Variants in MMP16 observed in about 807,000 individuals in gnomAD.
MMP16 encodes matrix metalloproteinase-16.
In MMP16, 12 loss-of-function variants were observed where a neutral mutation model predicts 67.8. That is an observed-to-expected ratio of 0.18 (90% CI 0.11 to 0.29). The LOEUF is 0.29. Ranked by LOEUF, MMP16 falls within the 10% of genes least tolerant of loss-of-function variation. The pLI, the probability that MMP16 is intolerant of heterozygous loss-of-function variation, is 1.00. For synonymous variants in MMP16, 249 were observed against 255.9 expected, an observed-to-expected ratio of 0.97 and a Z score of 0.26; for missense variants, 475 against 765.7, an observed-to-expected ratio of 0.62 and a Z score of 4.48.
chr8:88,175,085 G>A (rs1808865792), intron 3 of MMP16, among the ~76,000 whole-genome samples: 1 of 152,022 alleles, frequency 6.6e-6, no homozygotes, highest in South Asian at 2.1e-4. Flanking sequence ...GACATTAATT[G>A]TCCAGGAAGC....
chr8:88,108,674 A>G (rs372171109), intron 6 of MMP16, among the ~76,000 whole-genome samples: 47 of 151,450 alleles, frequency 3.1e-4, no homozygotes, highest in Admixed American at 8.6e-4. Flanking sequence ...CACTATTCAT[A>G]AAACTGTCAA....
intron 8 of MMP16, among the ~76,000 whole-genome samples, chr8:88,053,547 A>G (rs1404054871): frequency 1.3e-5 from 2 of 152,206 alleles, no homozygotes; most frequent in Admixed American, 6.5e-5. Context: ...AACTGCTGAC[A>G]TAACTTTTTT....
At chr8:88,149,290 G>A (rs1387901987) in intron 4 of MMP16, among the ~76,000 whole-genome samples, 6 of 152,146 alleles carry the variant, frequency 3.9e-5, no homozygotes, top group African/African-American at 7.2e-5. Context: ...GGTGAGGGGC[G>A]CCCGCCATTG....
Position 88,177,826 on chromosome 8 carries a change from G to A in MMP16, c.404+8650C>T, listed in dbSNP as rs74521499. On this transcript the variant is annotated intron_variant, in intron 3 of 9. Transcript: ENST00000286614. ...CTCAGATACTCAGACCCACTCAAAAGGACTTAATCACAGGATTGCAGATGC... is the reference window on the plus strand; with the variant it reads ...CTCAGATACTCAGACCCACTCAAAAAGACTTAATCACAGGATTGCAGATGC... Among the ~76,000 whole-genome samples, 1,034 of 152,048 alleles carry A rather than the reference G, an allele frequency of 6.8e-3. 15 individuals are homozygous for A. Among genetic ancestry groups the A allele is most frequent in the African/African-American group, 0.023 (969 of 41,478 alleles).
At chr8:88,075,139 C>A (rs2054414) in intron 6 of MMP16, among the ~76,000 whole-genome samples, 23,739 of 152,034 alleles carry the variant, frequency 0.16, 2,028 homozygotes, top group Middle Eastern at 0.23. Context: ...TCCACACCTA[C>A]CATGTTGAGG....
At chr8:88,267,713 G>T (rs1055683387) in intron 1 of MMP16, among the ~76,000 whole-genome samples, 3 of 152,332 alleles carry the variant, frequency 2.0e-5, no homozygotes, top group Admixed American at 1.3e-4. Flanking sequence ...TGAAAGGAAA[G>T]ATCATGAGAA....
intron 1 of MMP16, among the ~76,000 whole-genome samples, chr8:88,264,908 C>T (rs2129958536): frequency 6.6e-6 from 1 of 152,346 alleles, no homozygotes; most frequent in South Asian, 2.1e-4. Flanking sequence ...GCTAACGTTT[C>T]AGACACTAGG....
At chr8:88,299,011 T>C (rs1231373062) in intron 1 of MMP16, among the ~76,000 whole-genome samples, 1 of 152,112 alleles carries the variant, frequency 6.6e-6, no homozygotes, top group Non-Finnish European at 1.5e-5. Context: ...TTTTTTTTTC[T>C]TTTTGGAATT....
chr8:88,081,375 AAATTTC>A (rs1808748666), intron 6 of MMP16, among the ~76,000 whole-genome samples: 1 of 152,146 alleles, frequency 6.6e-6, no homozygotes, highest in Admixed American at 6.5e-5. Flanking sequence ...ATTTCTCAGA[AAATTTC>A]TTACTTAAAG....
At chr8:88,159,886 T>G (rs1451062277) in intron 4 of MMP16, among the ~76,000 whole-genome samples, 1 of 152,188 alleles carries the variant, frequency 6.6e-6, no homozygotes, top group African/African-American at 2.4e-5. Context: ...TCTATTGAGA[T>G]AATCATGCGG....
intron 1 of MMP16, among the ~76,000 whole-genome samples, chr8:88,282,899 T>C (rs1226455387): frequency 6.6e-6 from 1 of 152,192 alleles, no homozygotes; most frequent in African/African-American, 2.4e-5. Context: ...ATTCTTTTCA[T>C]ATATTGTTTA....
intron 1 of MMP16, among the ~76,000 whole-genome samples, chr8:88,275,882 T>C (rs1222308277): frequency 1.3e-5 from 2 of 152,024 alleles, no homozygotes; most frequent in Non-Finnish European, 2.9e-5. Context: ...AATCCAATTT[T>C]TTTAGCCTTG....
At chr8:88,125,415 T>C (rs1310246666) in intron 4 of MMP16, among the ~76,000 whole-genome samples, 1 of 151,892 alleles carries the variant, frequency 6.6e-6, no homozygotes, top group Non-Finnish European at 1.5e-5. Context: ...GAAAACAAAT[T>C]GCCATTTAAC....
intron 6 of MMP16, among the ~76,000 whole-genome samples, chr8:88,114,635 T>C (rs1809398574): frequency 1.3e-5 from 2 of 151,910 alleles, no homozygotes; most frequent in Admixed American, 1.3e-4. Flanking sequence ...GGCAAATGGA[T>C]ATTACAAAGA....
At chr8:88,315,028 C>T (rs1170524882) in intron 1 of MMP16, among the ~76,000 whole-genome samples, 1 of 152,192 alleles carries the variant, frequency 6.6e-6, no homozygotes, top group Non-Finnish European at 1.5e-5. Flanking sequence ...GCATTTGTTT[C>T]CCATCTCTCA....
At chr8:88,123,049 G>T (rs1807866793) in intron 4 of MMP16, among the ~76,000 whole-genome samples, 1 of 151,790 alleles carries the variant, frequency 6.6e-6, no homozygotes, top group Non-Finnish European at 1.5e-5. Context: ...AGCTGCTCCT[G>T]GATTTCTAAC....
At chr8:88,151,771 A>G (rs1199699432) in intron 4 of MMP16, among the ~76,000 whole-genome samples, 40 of 151,320 alleles carry the variant, frequency 2.6e-4, no homozygotes, top group African/African-American at 9.3e-4. Context: ...GGAAAGATCC[A>G]AAATTGACAC....
intron 1 of MMP16, among the ~76,000 whole-genome samples, chr8:88,255,823 C>G (rs1436011859): frequency 1.3e-5 from 2 of 152,150 alleles, no homozygotes; most frequent in Non-Finnish European, 2.9e-5. Context: ...TTTTCCCCCA[C>G]TAAGGCACAT....
At chr8:88,238,663 TAAA>T (rs34127125) in intron 1 of MMP16, among the ~76,000 whole-genome samples, 5 of 99,892 alleles carry the variant, frequency 5.0e-5, no homozygotes, top group South Asian at 3.6e-4. Flanking sequence ...AAGACTCTGT[TAAA>T]AAAAAAAAAA....
Sources: gnomAD v4.1 joint callset for allele counts (sites outside exome capture counted in the v4.1 genomes callset) on GRCh38, gnomAD v4.1.1 for gene constraint, MANE v1.5 for transcripts, NCBI Gene and HGNC (gene_info 2026-07-23, HGNC 2026-07-21) for gene names.